The following MAML3 variants were observed in gnomAD, a reference collection of about 807,000 sequenced individuals.
MAML3 encodes the protein mastermind-like protein 3.
In MAML3, 27 loss-of-function variants were observed where a neutral mutation model predicts 101.9. The observed-to-expected ratio is 0.27, with a 90% CI of 0.20 to 0.37. The LOEUF (loss-of-function observed/expected upper bound fraction) is 0.37, where lower values mean the gene tolerates loss of function less well. Among genes scored for constraint, MAML3 ranks in the 10% least tolerant of loss-of-function variants. The probability of loss-of-function intolerance (pLI) is 1.00; values close to 1 mark genes in which losing one functional copy is unlikely to be tolerated. For synonymous variants in MAML3, 501 were observed against 555.9 expected (o/e 0.90, Z 1.39); for missense variants, 1,316 against 1,444.9 (o/e 0.91, Z 1.45).
At chr4:139,912,773 A>G (rs578056205) in intron 1 of MAML3, among the ~76,000 whole-genome samples, 14 of 152,356 alleles carry the variant, frequency 9.2e-5, no homozygotes, top group African/African-American at 2.9e-4. Context: ...TCTGGAAACC[A>G]AGAAGAGTTA....
At chr4:139,849,204 C>A (rs1164144841) in intron 2 of MAML3, among the ~76,000 whole-genome samples, 3 of 152,072 alleles carry the variant, frequency 2.0e-5, no homozygotes, top group African/African-American at 7.2e-5. Flanking sequence ...AATGAACAAA[C>A]ATAGGTATTA....
intron 1 of MAML3, among the ~76,000 whole-genome samples, chr4:140,029,068 C>T (rs1184517376): frequency 6.6e-6 from 1 of 152,182 alleles, no homozygotes; most frequent in East Asian, 1.9e-4. Context: ...ACAAGTGCTG[C>T]AGAACCACGG....
chr4:139,935,148 G>T (rs1733480240), intron 1 of MAML3, among the ~76,000 whole-genome samples: 1 of 149,828 alleles, frequency 6.7e-6, no homozygotes, highest in Middle Eastern at 3.6e-3. Context: ...ACAGAACACA[G>T]CCGACTTCTC....
intron 1 of MAML3, among the ~76,000 whole-genome samples, chr4:139,980,354 C>T (rs1354301930): frequency 1.3e-5 from 2 of 152,168 alleles, no homozygotes; most frequent in Non-Finnish European, 2.9e-5. Context: ...CCTCCTTTGG[C>T]CATTACTGTG....
At chr4:140,132,530 C>A (rs547279727) in intron 1 of MAML3, among the ~76,000 whole-genome samples, 66 of 152,306 alleles carry the variant, frequency 4.3e-4, no homozygotes, top group African/African-American at 1.5e-3. Context: ...AAATATGAGA[C>A]TAGATAATGA....
At position 140,113,401 on chromosome 4, in the gene MAML3, A is replaced by C. The variant is rs531352866; in HGVS notation, c.468+39459T>G. 2.7e-3 allele frequency among the ~76,000 whole-genome samples: 407 copies of C among 152,340 alleles called. 2 individuals carry two copies. Among genetic ancestry groups the C allele is most frequent in the Non-Finnish European group, 2.8e-3 (192 of 68,034 alleles). ...TGTGCAAGGGAAGGAACTTGAGGTC[A>C]AGTTTCATTAGTCTCATGGAAAAAG... On this transcript the variant is annotated intron_variant, in intron 1 of 4. Coordinates refer to ENST00000509479, the MANE Select transcript of MAML3 (RefSeq NM_018717.5).
intron 2 of MAML3, among the ~76,000 whole-genome samples, chr4:139,830,886 G>C (rs1208878151): frequency 6.6e-6 from 1 of 152,058 alleles, no homozygotes. Context: ...TTCAGACATA[G>C]TTATACTAGC....
chr4:139,834,240 A>T (rs1731220625), intron 2 of MAML3, among the ~76,000 whole-genome samples: 1 of 152,224 alleles, frequency 6.6e-6, no homozygotes, highest in Non-Finnish European at 1.5e-5. Context: ...AATCTATACT[A>T]GACACAACTG....
At chr4:139,902,784 G>T (rs1578589027) in intron 1 of MAML3, among the ~76,000 whole-genome samples, 1 of 152,198 alleles carries the variant, frequency 6.6e-6, no homozygotes, top group East Asian at 1.9e-4. Flanking sequence ...AACAGTCAGA[G>T]TCATTTACAC....
At chr4:140,110,150 G>T (rs1025571605) in intron 1 of MAML3, among the ~76,000 whole-genome samples, 1 of 152,170 alleles carries the variant, frequency 6.6e-6, no homozygotes, top group African/African-American at 2.4e-5. Context: ...CTCTAGTTCA[G>T]CGATGATCAT....
intron 2 of MAML3, among the ~76,000 whole-genome samples, chr4:139,761,663 T>G (rs1729763400): frequency 6.6e-6 from 1 of 152,190 alleles, no homozygotes; most frequent in Non-Finnish European, 1.5e-5. Context: ...GCTAAAAAGA[T>G]GAACAAAGTA....
intron 1 of MAML3, among the ~76,000 whole-genome samples, chr4:140,035,223 C>T (rs1265854752): frequency 3.9e-5 from 6 of 152,124 alleles, no homozygotes; most frequent in Non-Finnish European, 8.8e-5. Flanking sequence ...ACACACCTGC[C>T]TCAGTCTCCA....
chr4:140,021,984 T>C (rs1726740637), intron 1 of MAML3, among the ~76,000 whole-genome samples: 2 of 152,142 alleles, frequency 1.3e-5, no homozygotes, highest in African/African-American at 2.4e-5. Context: ...AAAGGTAACA[T>C]AGCCTACCAG....
At chr4:139,834,554 G>A (rs989138535) in intron 2 of MAML3, among the ~76,000 whole-genome samples, 2 of 152,210 alleles carry the variant, frequency 1.3e-5, no homozygotes, top group African/African-American at 4.8e-5. Flanking sequence ...CAATTCAGTA[G>A]GTCTGGGCTA....
intron 2 of MAML3, among the ~76,000 whole-genome samples, chr4:139,793,666 T>C (rs2111094421): frequency 6.6e-6 from 1 of 152,368 alleles, no homozygotes; most frequent in African/African-American, 2.4e-5. Context: ...CAGCTTTGCC[T>C]AGGTTCACCT....
At chr4:139,961,274 G>T (rs1482909883) in intron 1 of MAML3, among the ~76,000 whole-genome samples, 4 of 152,188 alleles carry the variant, frequency 2.6e-5, no homozygotes, top group Non-Finnish European at 5.9e-5. Context: ...GCTTTTGTTT[G>T]TTAAGAGTTT....
chr4:139,981,336 T>C lies in MAML3; in HGVS notation c.469-90369A>G, dbSNP rs139278043. On this transcript the variant is annotated intron_variant, in intron 1 of 4. Transcript: ENST00000509479. ...CTTAATCACCTCTTTAAAGCCCTTA[T>C]ATGCAAGTATGGTTCTATTCTGAGG... 3.2e-4 allele frequency among the ~76,000 whole-genome samples: 48 copies of C among 152,328 alleles called. 1 individual carries two copies. Among genetic ancestry groups the C allele is most frequent in the African/African-American group, 1.0e-3 (43 of 41,576 alleles).
intron 2 of MAML3, among the ~76,000 whole-genome samples, chr4:139,766,658 TCTC>T (rs1729866810): frequency 6.6e-6 from 1 of 152,190 alleles, no homozygotes; most frequent in Admixed American, 6.5e-5. Context: ...GCTCAGATCT[TCTC>T]CTTCTTCTCC....
intron 2 of MAML3, among the ~76,000 whole-genome samples, chr4:139,836,550 G>A (rs1243438328): frequency 6.6e-6 from 1 of 152,138 alleles, no homozygotes; most frequent in Admixed American, 6.5e-5. Context: ...GTTTTGGGGA[G>A]GTCAAATTAC....
Sources: allele counts gnomAD v4.1 joint callset (sites outside exome capture counted in the v4.1 genomes callset), GRCh38; gene constraint gnomAD v4.1.1; transcripts MANE v1.5; gene names NCBI Gene and HGNC (gene_info 2026-07-23, HGNC 2026-07-21).